Variants in TSPAN15 observed in about 807,000 individuals in gnomAD.
The protein encoded by TSPAN15 is tetraspanin 15.
Under a neutral mutation model 34.5 loss-of-function variants are expected in TSPAN15, and 20 were observed. The ratio of observed to expected loss-of-function variants is 0.58; its 90% CI spans 0.41 to 0.84. The LOEUF is 0.84. Ranked by LOEUF, TSPAN15 falls within the 40% of genes least tolerant of loss-of-function variation. TSPAN15 has a pLI of 0.00. For synonymous variants in TSPAN15, 155 were observed against 153.9 expected (o/e 1.01, Z -0.05); for missense variants, 313 against 386.1 (o/e 0.81, Z 1.59).
intron 5 of TSPAN15, 32 bp from the exon 6 acceptor site, chr10:69,504,406 T>G: frequency 6.2e-7 from 1 of 1,603,658 alleles, no homozygotes; most frequent in Non-Finnish European, 8.5e-7. Context: ...AGAACCATTA[T>G]AAATATTAGC....
At chr10:69,495,006 G>T in intron 3 of TSPAN15, 1 of 412,514 alleles carries the variant, frequency 2.4e-6, no homozygotes, top group Non-Finnish European at 3.3e-6. Context: ...ACCGAGTGCT[G>T]CAGTGATGAG....
chr10:69,486,219 C>T (rs1005847543), intron 3 of TSPAN15, among the ~76,000 whole-genome samples: 16 of 152,184 alleles, frequency 1.1e-4, no homozygotes, highest in African/African-American at 3.1e-4. Flanking sequence ...ACCCAGGGCT[C>T]CATCTTTCCT....
At chr10:69,527,276 T>A in the TSPAN15 span, among the ~76,000 whole-genome samples, 4 of 147,624 alleles carry the variant, frequency 2.7e-5, 1 homozygote, top group African/African-American at 9.9e-5. Context: ...TACACTAACA[T>A]TAGTGATAGC....
At chr10:69,460,778 G>A (rs1257732000) in intron 1 of TSPAN15, among the ~76,000 whole-genome samples, 3 of 152,134 alleles carry the variant, frequency 2.0e-5, no homozygotes, top group African/African-American at 7.2e-5. Flanking sequence ...GGGAGGCCTC[G>A]CAGAGAGGAG....
At chr10:69,545,817 G>A in the TSPAN15 span, among the ~76,000 whole-genome samples, 60 of 152,228 alleles carry the variant, frequency 3.9e-4, no homozygotes, top group African/African-American at 1.4e-3. Flanking sequence ...TTAGCTGGGC[G>A]TAGTGGTGGG....
At chr10:69,461,804 G>A (rs112850579) in intron 1 of TSPAN15, among the ~76,000 whole-genome samples, 1,540 of 152,184 alleles carry the variant, frequency 0.01, 37 homozygotes, top group African/African-American at 0.035. Context: ...TCTGAGACTA[G>A]GTCACTTCCC....
chr10:69,452,118 G>C (rs1840985385), intron 1 of TSPAN15, among the ~76,000 whole-genome samples: 2 of 152,240 alleles, frequency 1.3e-5, no homozygotes, highest in African/African-American at 4.8e-5. Flanking sequence ...TCTGGTCCCT[G>C]CTAGTTACTT....
the TSPAN15 span, among the ~76,000 whole-genome samples, chr10:69,534,692 A>G: frequency 6.6e-6 from 1 of 152,044 alleles, no homozygotes. Context: ...TAGAAACTCT[A>G]TAATATTGGG....
At chr10:69,461,589 G>A (rs1207868381) in intron 1 of TSPAN15, among the ~76,000 whole-genome samples, 2 of 152,190 alleles carry the variant, frequency 1.3e-5, no homozygotes, top group African/African-American at 2.4e-5. Context: ...GCTGTGCTGG[G>A]TGCAGTGTGG....
chr10:69,473,282 G>A (rs1004368118), intron 1 of TSPAN15, among the ~76,000 whole-genome samples: 2 of 152,182 alleles, frequency 1.3e-5, no homozygotes, highest in African/African-American at 4.8e-5. Context: ...AGGGCTTTGA[G>A]CTGAGCTTGG....
At chr10:69,471,698 C>A (rs76564546) in intron 1 of TSPAN15, among the ~76,000 whole-genome samples, 2,752 of 149,182 alleles carry the variant, frequency 0.018, 48 homozygotes, top group Middle Eastern at 0.069. Flanking sequence ...CTCAGGCCAT[C>A]CTCCCACCTC....
intron 3 of TSPAN15, chr10:69,494,978 C>A: frequency 3.1e-6 from 2 of 649,344 alleles, no homozygotes; most frequent in Non-Finnish European, 3.8e-6. Context: ...GGGATTGTCC[C>A]AGCCCTAGCC....
At chr10:69,513,401 G>A in the TSPAN15 span, among the ~76,000 whole-genome samples, 1 of 152,064 alleles carries the variant, frequency 6.6e-6, no homozygotes, top group Non-Finnish European at 1.5e-5. Context: ...TAGAGATTGG[G>A]TCTCACACCA....
Position 69,486,114 on chromosome 10 carries a change from C to G in TSPAN15, c.357+899C>G, listed in dbSNP as rs138602043. Among the ~76,000 whole-genome samples, 26 of 152,354 alleles carry G rather than the reference C, an allele frequency of 1.7e-4. No individual in the cohort carries two copies. In the East Asian group the frequency reaches 4.6e-3, roughly 27 times the overall value. ...ATTAGGGGACACCTAGCTCACAGAT[C>G]TGATGAGAGAATGCCTGTGAAGGAC... On this transcript the variant is annotated intron_variant, in intron 3 of 7. Coordinates refer to ENST00000373290, the MANE Select transcript of TSPAN15 (RefSeq NM_012339.5).
intron 1 of TSPAN15, among the ~76,000 whole-genome samples, chr10:69,471,643 G>A (rs907823677): frequency 5.7e-5 from 8 of 141,086 alleles, no homozygotes; most frequent in African/African-American, 1.9e-4. Flanking sequence ...TACCCAGGCT[G>A]GAGTGCAGTA....
At position 69,506,145 on chromosome 10, in the gene TSPAN15, A is replaced by G. The variant is rs1484653217; in HGVS notation, c.640A>G (p.Ile214Val). 6.2e-7 allele frequency: 1 copy of G among 1,613,972 alleles called. No individual in the cohort carries two copies. The highest frequency in any genetic ancestry group is 1.3e-5 in the African/African-American group (1 of 74,912). The change falls in exon 7 of 8, where the codon ATC becomes GTC. Residue 214 changes from isoleucine (I) to valine (V), a missense_variant. By Grantham distance (29) the Ile-to-Val change is conservative (BLOSUM62 3). Transcript: ENST00000373290. This position sits in a 1 kb window ranked among gnomAD's most constrained non-coding sequence, Gnocchi z 4.7. ...GCAGCGTTTCAGTGTGCAGGATGTC[A>G]TCTACGTGCGGGGCTGCACCAACGC... The part of the protein sequence containing the change: ...DKERFSVQDV[I>V]YVRGCTNAVI...
chr10:69,520,019 A>G, the TSPAN15 span, among the ~76,000 whole-genome samples: 1 of 152,224 alleles, frequency 6.6e-6, no homozygotes, highest in African/African-American at 2.4e-5. Context: ...GGCATGAGCC[A>G]CTGTGCCCAG....
In TSPAN15 at chr10:69,451,587, C is replaced by T. The variant is rs373823499; in HGVS notation, c.-8C>T. ...GAGCCCCCGTAACCCGCGCGGGGAG[C>T]GCCCAGGATGCCGCGCGGGGACTCG... On this transcript the variant is annotated 5_prime_UTR_variant, in exon 1 of 8. Coordinates refer to ENST00000373290, the MANE Select transcript of TSPAN15 (RefSeq NM_012339.5). The T allele has an allele frequency of 3.6e-4, 531 of 1,463,494 alleles. No homozygotes were observed. Among genetic ancestry groups the T allele is most frequent in the Non-Finnish European group, 4.7e-4 (522 of 1,104,826 alleles). 90.7% of individuals were successfully genotyped at this position (1,463,494 alleles called of 1,614,324 possible).
At chr10:69,485,828 G>A (rs1841841442) in intron 3 of TSPAN15, among the ~76,000 whole-genome samples, 1 of 152,196 alleles carries the variant, frequency 6.6e-6, no homozygotes, top group Non-Finnish European at 1.5e-5. Context: ...GGTGGAGGCA[G>A]TGGGCCTGGG....
Sources: gnomAD v4.1 joint callset for allele counts (sites outside exome capture counted in the v4.1 genomes callset) on GRCh38, gnomAD v4.1.1 for gene constraint, Gnocchi (gnomAD v3.1) non-coding constraint, MANE v1.5 for transcripts, NCBI Gene and HGNC (gene_info 2026-07-23, HGNC 2026-07-21) for gene names.